CCDC171: variants seen among roughly 807,000 people sequenced by gnomAD.
CCDC171 encodes the protein coiled-coil domain containing 171.
A neutral mutation model predicts 168.2 loss-of-function variants in CCDC171; 177 were observed. The ratio of observed to expected loss-of-function variants is 1.05; its 90% CI spans 0.93 to 1.19. The LOEUF (loss-of-function observed/expected upper bound fraction) is 1.19, where lower values mean the gene tolerates loss of function less well. Ranked by LOEUF, CCDC171 falls within the 50% of genes most tolerant of loss-of-function variation. The pLI, the probability that CCDC171 is intolerant of heterozygous loss-of-function variation, is 0.00. For synonymous variants in CCDC171, 687 were observed against 540.8 expected, an observed-to-expected ratio of 1.27 and a Z score of -3.75; for missense variants, 1,991 against 1,539.0, an observed-to-expected ratio of 1.29 and a Z score of -4.91.
At chr9:15,602,938 G>C (rs894646498) in intron 6 of CCDC171, among the ~76,000 whole-genome samples, 2 of 151,914 alleles carry the variant, frequency 1.3e-5, no homozygotes, top group African/African-American at 4.8e-5. Context: ...GATTACAGGC[G>C]TGAGCCATCT....
chr9:16,089,717 A>C, the CCDC171 span, among the ~76,000 whole-genome samples: 1 of 151,910 alleles, frequency 6.6e-6, no homozygotes, highest in African/African-American at 2.4e-5. Context: ...GAATCTACAA[A>C]GAACTTAAAC....
At chr9:15,721,006 G>GATTA (rs1289551836) in intron 11 of CCDC171, among the ~76,000 whole-genome samples, 1 of 152,094 alleles carries the variant, frequency 6.6e-6, no homozygotes, top group Non-Finnish European at 1.5e-5. Context: ...CAACTTTTTG[G>GATTA]ATTAATACTT....
chr9:15,624,396 G>A (rs1368979735), intron 7 of CCDC171, among the ~76,000 whole-genome samples: 1 of 152,098 alleles, frequency 6.6e-6, no homozygotes, highest in African/African-American at 2.4e-5. Context: ...CATGTGCCAT[G>A]TTGGTGTGCT....
intron 2 of CCDC171, among the ~76,000 whole-genome samples, chr9:15,564,880 A>G (rs1416019600): frequency 2.0e-5 from 3 of 152,222 alleles, no homozygotes; most frequent in African/African-American, 7.2e-5. Flanking sequence ...TGTTTTTAAA[A>G]TTTCTTTAAA....
intron 25 of CCDC171, among the ~76,000 whole-genome samples, chr9:15,920,782 A>G (rs1369996244): frequency 6.6e-6 from 1 of 151,722 alleles, no homozygotes; most frequent in African/African-American, 2.4e-5. Context: ...AATTATGCGT[A>G]TAACCAAAAT....
intron 13 of CCDC171, among the ~76,000 whole-genome samples, chr9:15,724,183 T>A (rs1270833313): frequency 6.6e-6 from 1 of 152,186 alleles, no homozygotes; most frequent in Non-Finnish European, 1.5e-5. Context: ...AGGACTATAG[T>A]TTATTTTAGT....
intron 3 of CCDC171, among the ~76,000 whole-genome samples, chr9:15,981,074 G>C (rs535146385): frequency 6.6e-6 from 1 of 152,062 alleles, no homozygotes; most frequent in African/African-American, 2.4e-5. Context: ...TTACTGTCAC[G>C]AGAAAAGCCA....
chr9:15,762,407 C>A (rs533693128), intron 18 of CCDC171, among the ~76,000 whole-genome samples: 3 of 151,980 alleles, frequency 2.0e-5, no homozygotes, highest in Non-Finnish European at 4.4e-5. Context: ...CAAATTCAAG[C>A]CAGGAATGAC....
chr9:15,720,582 A>G (rs1365695570), intron 11 of CCDC171, among the ~76,000 whole-genome samples: 1 of 152,198 alleles, frequency 6.6e-6, no homozygotes, highest in Admixed American at 6.5e-5. Flanking sequence ...ATATGATGAG[A>G]AGAAATAACA....
chr9:16,067,738 G>A, the CCDC171 span, among the ~76,000 whole-genome samples: 27 of 152,246 alleles, frequency 1.8e-4, no homozygotes, highest in East Asian at 1.9e-3. Context: ...CCCATTGCTC[G>A]TTTTTCTCAG....
Position 15,816,752 on chromosome 9 carries a change from T to C in CCDC171, c.3268-29950T>C, listed in dbSNP as rs1195312888. 2.6e-5 allele frequency among the ~76,000 whole-genome samples: 3 copies of C among 115,442 alleles called. 1 individual carries two copies. The highest frequency in any genetic ancestry group is 5.7e-5 in the Non-Finnish European group (3 of 52,620). The allele number at this position is 115,442 out of a possible 152,430, so 75.7% of individuals were successfully genotyped here. A position where few individuals can be genotyped will look rare whatever the true frequency, so the allele number is the denominator to read the frequency against. On this transcript the variant is annotated intron_variant, in intron 21 of 25. Coordinates refer to ENST00000380701, the MANE Select transcript of CCDC171 (RefSeq NM_173550.4). ...ACAAGGACAATCCTGAGCCACTGGG[T>C]GAATGGAATTGCTATTAAGCAGTTA... is the stretch of plus-strand genomic sequence containing the variant.
chr9:15,602,652 T>TC (rs2042944737), intron 6 of CCDC171, among the ~76,000 whole-genome samples: 1 of 31,662 alleles, frequency 3.2e-5, no homozygotes, highest in Non-Finnish European at 6.2e-5. Flanking sequence ...TTTTTCTTTT[T>TC]TTTTTTTTTT....
intron 24 of CCDC171, among the ~76,000 whole-genome samples, chr9:15,906,260 T>A (rs1822585464): frequency 6.6e-6 from 1 of 152,126 alleles, no homozygotes; most frequent in Non-Finnish European, 1.5e-5. Flanking sequence ...TGAACATCGA[T>A]GCAAAAATCC....
At chr9:15,792,403 G>C (rs181940364) in intron 21 of CCDC171, among the ~76,000 whole-genome samples, 1 of 152,116 alleles carries the variant, frequency 6.6e-6, no homozygotes, top group African/African-American at 2.4e-5. Flanking sequence ...CACTCTTCAG[G>C]ATATTATCCA....
chr9:16,036,505 G>A (rs1224969392), intron 8 of CCDC171, among the ~76,000 whole-genome samples: 24 of 152,182 alleles, frequency 1.6e-4, no homozygotes, highest in African/African-American at 2.2e-4. Flanking sequence ...TTAGCTGGGC[G>A]TGGTGGCAGG....
the CCDC171 span, among the ~76,000 whole-genome samples, chr9:16,067,844 C>T: frequency 8.5e-5 from 13 of 152,102 alleles, no homozygotes; most frequent in East Asian, 1.2e-3. Context: ...GTACCAGTGC[C>T]GTGCTGTTTT....
At chr9:15,635,602 C>G (rs1397881799) in intron 7 of CCDC171, among the ~76,000 whole-genome samples, 1 of 152,156 alleles carries the variant, frequency 6.6e-6, no homozygotes, top group East Asian at 1.9e-4. Flanking sequence ...TCCCACTGCA[C>G]TGACTCAAAT....
chr9:15,747,246 A>T (rs1180804525), intron 18 of CCDC171, among the ~76,000 whole-genome samples: 1 of 152,234 alleles, frequency 6.6e-6, no homozygotes, highest in African/African-American at 2.4e-5. Flanking sequence ...CAGCAGCCTC[A>T]TTCAGGGACT....
At chr9:15,724,395 G>C (rs1230581121) in intron 13 of CCDC171, among the ~76,000 whole-genome samples, 1 of 151,996 alleles carries the variant, frequency 6.6e-6, no homozygotes, top group Non-Finnish European at 1.5e-5. Flanking sequence ...ATAAGTGGTT[G>C]GGATGTCATT....
Sources: gnomAD v4.1 joint callset for allele counts (sites outside exome capture counted in the v4.1 genomes callset) on GRCh38, gnomAD v4.1.1 for gene constraint, MANE v1.5 for transcripts, NCBI Gene and HGNC (gene_info 2026-07-23, HGNC 2026-07-21) for gene names.